Variants in RRP36 observed in about 807,000 individuals in gnomAD.
RRP36 encodes the protein ribosomal RNA processing 36.
A neutral mutation model predicts 39.8 loss-of-function variants in RRP36; 44 were observed. That is an observed-to-expected ratio of 1.10 (90% CI 0.87 to 1.42). The LOEUF is 1.42. RRP36 is among the 40% of genes most tolerant of loss of function. The pLI is 0.00. For missense variants in RRP36, 316 were observed against 322.4 expected (o/e 0.98, Z 0.15); for synonymous variants, 124 against 123.1 (o/e 1.01, Z -0.05).
In RRP36 at chr6:43,029,274, T is replaced by TC. The variant is rs1219150765; in HGVS notation, c.*47dup. Reference sequence around the variant, plus strand: ...TGCCACTGCCCCAGGGAGACATGGATCTGTGAGGACAGATTTGGCCACGGC... The same window carrying TC: ...TGCCACTGCCCCAGGGAGACATGGATCCTGTGAGGACAGATTTGGCCACGGC... On this transcript the variant is annotated 3_prime_UTR_variant, in exon 7 of 7. Transcript: ENST00000244496. 1 of 1,605,334 alleles carries TC rather than the reference T, an allele frequency of 6.2e-7. No homozygotes were observed. The highest frequency in any genetic ancestry group is 2.2e-5 in the East Asian group (1 of 44,678).
In RRP36 at chr6:43,021,685, G is replaced by T. The variant is rs1437080322; in HGVS notation, c.31G>T (p.Gly11Trp). 8.1e-7 allele frequency: 1 copy of T among 1,236,078 alleles called. No individual in the cohort carries two copies. The highest frequency in any genetic ancestry group is 3.1e-5 in the East Asian group (1 of 31,872). The allele number at this position is 1,236,078 out of a possible 1,614,324, so 76.6% of individuals were successfully genotyped here. The change falls in exon 1 of 7, where the codon GGG becomes TGG. Residue 11 changes from glycine to tryptophan, a missense_variant. Transcript: ENST00000244496. MPGANYRAGA[G>W]AGAGARRPRG... ...GGGAGCTAACTACCGCGCCGGGGCCGGGGCCGGGGCCGGGGCCCGACGTCC... is the reference window on the plus strand; with the variant it reads ...GGGAGCTAACTACCGCGCCGGGGCCTGGGCCGGGGCCGGGGCCCGACGTCC...
At chr6:43,026,924 G>A (rs1581886985) in intron 4 of RRP36, among the ~76,000 whole-genome samples, 1 of 151,528 alleles carries the variant, frequency 6.6e-6, no homozygotes, top group East Asian at 2.0e-4. Context: ...AAATTAGCCG[G>A]GCGTGGTGGC....
intron 6 of RRP36, among the ~76,000 whole-genome samples, chr6:43,027,946 A>C (rs879482859): frequency 6.6e-6 from 1 of 152,090 alleles, no homozygotes; most frequent in Non-Finnish European, 1.5e-5. Context: ...CTTGGTCTAC[A>C]CTGCACACAC....
chr6:43,028,676 C>G (rs1762860422), intron 6 of RRP36, among the ~76,000 whole-genome samples: 1 of 151,140 alleles, frequency 6.6e-6, no homozygotes, highest in Non-Finnish European at 1.5e-5. Context: ...GTTGGCCAGG[C>G]GCAGTGGCTC....
In RRP36 at chr6:43,021,760, G is replaced by A; in HGVS notation, c.106G>A (p.Ala36Thr). Residue 36 changes from alanine to threonine, a missense_variant, in exon 1 of 7, where the codon GCC becomes ACC. Physicochemically the swap from Ala to Thr is moderately conservative, Grantham distance 58 (BLOSUM62 0). Coordinates refer to ENST00000244496, the MANE Select transcript of RRP36 (RefSeq NM_033112.4). The stretch of plus-strand genomic sequence containing the variant: ...GGACGGCGGGGGCCTGGAGCCCGCG[G>A]CCGTGGCCCGCGACCTATTGAGGGG... The part of the protein sequence containing the change: ...EEDGGGLEPA[A>T]VARDLLRGTS... 8.2e-7 allele frequency: 1 copy of A among 1,220,366 alleles called. No homozygotes were observed. Among genetic ancestry groups the A allele is most frequent in the Non-Finnish European group, 1.0e-6 (1 of 980,094 alleles). The allele number at this position is 1,220,366 out of a possible 1,614,324, so 75.6% of individuals were successfully genotyped here.
chr6:43,027,084 G>T, intron 4 of RRP36, 94 bp from the exon 5 acceptor site: 1 of 1,052,452 alleles, frequency 9.5e-7, no homozygotes, highest in East Asian at 2.4e-5. Flanking sequence ...GTGTGTGTGT[G>T]TATGTGTGTG....
intron 1 of RRP36, among the ~76,000 whole-genome samples, chr6:43,023,908 G>A (rs1224137476): frequency 6.7e-6 from 1 of 149,956 alleles, no homozygotes; most frequent in Non-Finnish European, 1.5e-5. Flanking sequence ...CCAGGCTGGA[G>A]TGCAGTGACG....
rs1762777660 is a variant in RRP36 at position 43,024,603 on chromosome 6, A to G, written c.131-382A>G. ...GGTTGGGAGACTAGGAGGCTAGAGC[A>G]CTGATTGAGGTGAGAGATGCTGAGC... On this transcript the variant is annotated intron_variant, in intron 1 of 6. Coordinates refer to ENST00000244496, the MANE Select transcript of RRP36 (RefSeq NM_033112.4). Among the ~76,000 whole-genome samples, 4 of 152,204 alleles carry G rather than the reference A, an allele frequency of 2.6e-5. No homozygotes were observed. In the South Asian group the frequency reaches 6.2e-4, roughly 24 times the overall value.
At chr6:43,028,647 CAAAAA>C (rs373505678) in intron 6 of RRP36, among the ~76,000 whole-genome samples, 1 of 126,940 alleles carries the variant, frequency 7.9e-6, no homozygotes, top group South Asian at 2.5e-4. Flanking sequence ...GACTCCATCT[CAAAAA>C]AAAAAAGTCA....
intron 1 of RRP36, among the ~76,000 whole-genome samples, chr6:43,022,994 C>T (rs1034269832): frequency 1.3e-5 from 2 of 151,938 alleles, no homozygotes; most frequent in Admixed American, 6.6e-5. Flanking sequence ...GTGATCCACC[C>T]GCCTCAGCCT....
intron 3 of RRP36, among the ~76,000 whole-genome samples, 155 bp from the exon 4 acceptor site, chr6:43,025,882 G>GCA (rs1561863137): frequency 3.9e-5 from 6 of 152,022 alleles, no homozygotes; most frequent in Non-Finnish European, 5.9e-5. Context: ...GCAGTGAGCC[G>GCA]AGATTGCACC....
intron 4 of RRP36, among the ~76,000 whole-genome samples, 153 bp downstream of exon 4, chr6:43,026,294 T>C (rs1762813233): frequency 6.6e-6 from 1 of 152,200 alleles, no homozygotes; most frequent in African/African-American, 2.4e-5. Flanking sequence ...CTCATCAGTT[T>C]ACTAGCTGTG....
At chr6:43,027,712 A>ACCC (rs397973528) in intron 6 of RRP36, among the ~76,000 whole-genome samples, 5 of 45,004 alleles carry the variant, frequency 1.1e-4, no homozygotes, top group South Asian at 1.0e-3. Flanking sequence ...CCACTTCCCA[A>ACCC]CCCCCCCCCC....
At chr6:43,023,389 A>T (rs1762761332) in intron 1 of RRP36, among the ~76,000 whole-genome samples, 1 of 150,082 alleles carries the variant, frequency 6.7e-6, no homozygotes, top group African/African-American at 2.5e-5. Flanking sequence ...ACAGAGCAAG[A>T]CCTTTTTTCA....
chr6:43,025,122 G>A lies in RRP36; in HGVS notation c.268G>A (p.Asp90Asn). 2.5e-6 allele frequency: 4 copies of A among 1,614,228 alleles called. No homozygotes were observed. Among genetic ancestry groups the A allele is most frequent in the Non-Finnish European group, 2.5e-6 (3 of 1,180,038 alleles). Residue 90 changes from aspartate (D) to asparagine (N), a missense_variant, in exon 2 of 7, where the codon GAT (aspartate) becomes AAT (asparagine). Asp to Asn is a conservative substitution (Grantham distance 23). Transcript: ENST00000244496. ...RPPIQNACVA[D>N]KHRPLEMSAK... ...ACCTATCCAAAATGCATGTGTTGCA[G>A]ATAAGCACAGGTAAGCAAGGCTTGC...
intron 1 of RRP36, among the ~76,000 whole-genome samples, chr6:43,023,232 C>T (rs892572116): frequency 3.9e-5 from 6 of 151,962 alleles, no homozygotes; most frequent in African/African-American, 1.4e-4. Context: ...ACCCGCTTTT[C>T]TACTAAAAAT....
chr6:43,027,257 G>T lies in RRP36; in HGVS notation c.525+5G>T, dbSNP rs1353801302. On this transcript the variant is annotated splice_donor_5th_base_variant and intron_variant, in intron 5 of 6. Coordinates refer to ENST00000244496, the MANE Select transcript of RRP36 (RefSeq NM_033112.4). Reference sequence around the variant, plus strand: ...CAGCAACTGCTTCAGCGAATGGTGAGTGGGTAATAATTGTGGTGGGTAATG... The same window carrying T: ...CAGCAACTGCTTCAGCGAATGGTGATTGGGTAATAATTGTGGTGGGTAATG... 6.2e-7 allele frequency: 1 copy of T among 1,614,062 alleles called. No homozygotes were observed. The highest frequency in any genetic ancestry group is 8.5e-7 in the Non-Finnish European group (1 of 1,179,890).
intron 1 of RRP36, among the ~76,000 whole-genome samples, chr6:43,023,222 A>G (rs115756248): frequency 1.4e-3 from 216 of 151,410 alleles, no homozygotes; most frequent in African/African-American, 5.0e-3. Context: ...ACATAATGAG[A>G]CCCGCTTTTC....
At chr6:43,026,534 G>A (rs1284668541) in intron 4 of RRP36, among the ~76,000 whole-genome samples, 1 of 151,620 alleles carries the variant, frequency 6.6e-6, no homozygotes, top group Non-Finnish European at 1.5e-5. Context: ...TTAGCCAAGT[G>A]TGGTGTTGCA....
Sources: gnomAD v4.1 joint callset for allele counts (sites outside exome capture counted in the v4.1 genomes callset) on GRCh38, gnomAD v4.1.1 for gene constraint, MANE v1.5 for transcripts, NCBI Gene and HGNC (gene_info 2026-07-23, HGNC 2026-07-21) for gene names.